Variants in FYB2 observed in about 807,000 individuals in gnomAD.
FYB2 encodes FYN binding protein 2.
Under a neutral mutation model 94.1 loss-of-function variants are expected in FYB2, and 103 were observed. The ratio of observed to expected loss-of-function variants is 1.09; its 90% CI spans 0.93 to 1.29. FYB2 has a LOEUF of 1.29. FYB2 is among the 50% of genes most tolerant of loss of function. The pLI, the probability that FYB2 is intolerant of heterozygous loss-of-function variation, is 0.00. For synonymous variants in FYB2, 293 were observed against 287.9 expected (o/e 1.02, Z -0.18); for missense variants, 896 against 841.5 (o/e 1.06, Z -0.80).
At position 56,819,341 on chromosome 1, in the gene FYB2, G is replaced by A; in HGVS notation, c.-51C>T. 1 of 1,612,852 alleles carries A rather than the reference G, an allele frequency of 6.2e-7. No individual in the cohort carries two copies. The highest frequency in any genetic ancestry group is 1.3e-5 in the African/African-American group (1 of 75,030). The stretch of plus-strand genomic sequence containing the variant: ...GAAACAAGCCCAGCCTCTCAGAGCT[G>A]GGTCCTGGGGCCAACAATCCGCTTT... On this transcript the variant is annotated 5_prime_UTR_variant, in exon 1 of 20. Transcript: ENST00000343433.
chr1:56,809,087 C>T (rs1557670577), intron 1 of FYB2, among the ~76,000 whole-genome samples: 1 of 152,162 alleles, frequency 6.6e-6, no homozygotes, highest in Non-Finnish European at 1.5e-5. Context: ...ACATTGGCCA[C>T]CATGTGAACA....
intron 15 of FYB2, among the ~76,000 whole-genome samples, chr1:56,731,491 AT>A (rs1375141295): frequency 6.6e-6 from 1 of 152,074 alleles, no homozygotes; most frequent in Non-Finnish European, 1.5e-5. Context: ...ACTGGGAACC[AT>A]TCTAATCTAT....
chr1:56,773,026 T>A (rs559985468), intron 4 of FYB2, among the ~76,000 whole-genome samples: 2 of 152,300 alleles, frequency 1.3e-5, no homozygotes, highest in East Asian at 3.9e-4. Context: ...TTAGTGATAT[T>A]TTCGACATTA....
At chr1:56,723,517 C>T (rs1644526957) in intron 17 of FYB2, 71 bp downstream of exon 17, 2 of 867,264 alleles carry the variant, frequency 2.3e-6, no homozygotes, top group Middle Eastern at 2.3e-4. Flanking sequence ...AGCATACTTA[C>T]AGATTTTTTT....
intron 8 of FYB2, among the ~76,000 whole-genome samples, chr1:56,752,049 G>C (rs1645212026): frequency 6.6e-6 from 1 of 152,000 alleles, no homozygotes; most frequent in Admixed American, 6.6e-5. Flanking sequence ...CAAAAAAAAG[G>C]CACAGGGGAT....
intron 15 of FYB2, among the ~76,000 whole-genome samples, chr1:56,735,351 G>A (rs1644807054): frequency 6.6e-6 from 1 of 152,038 alleles, no homozygotes; most frequent in African/African-American, 2.4e-5. Context: ...AGTGAAATAA[G>A]CCAGGAATAG....
intron 6 of FYB2, among the ~76,000 whole-genome samples, chr1:56,758,230 G>A (rs1167361644): frequency 6.6e-6 from 1 of 151,864 alleles, no homozygotes; most frequent in Non-Finnish European, 1.5e-5. Flanking sequence ...TCCCCATTTT[G>A]CAGGTGAGGA....
intron 4 of FYB2, among the ~76,000 whole-genome samples, chr1:56,783,270 G>C (rs1007643571): frequency 6.6e-6 from 1 of 152,126 alleles, no homozygotes; most frequent in African/African-American, 2.4e-5. Flanking sequence ...GAAGATCTGA[G>C]CTGTTAAATG....
intron 1 of FYB2, among the ~76,000 whole-genome samples, chr1:56,818,585 G>T (rs183426499): frequency 4.3e-4 from 65 of 152,124 alleles, no homozygotes; most frequent in African/African-American, 1.5e-3. Flanking sequence ...AGGAAGATGT[G>T]GTCAGTCAGG....
intron 4 of FYB2, among the ~76,000 whole-genome samples, chr1:56,771,903 A>G (rs1244206433): frequency 6.6e-6 from 1 of 151,886 alleles, no homozygotes. Flanking sequence ...ACTATTTTGC[A>G]TATTTTCTAG....
rs200083622 is a variant in FYB2 at position 56,723,693 on chromosome 1, T to A, written c.1881-12A>T. On this transcript the variant is annotated splice_polypyrimidine_tract_variant and intron_variant, in intron 16 of 19. Transcript: ENST00000343433. ...TTCTAGGAGAGAAACTAGCAAGAAA[T>A]GTGCAGGTAGGGTAAAACGTACTAT... The A allele has an allele frequency of 2.0e-6, 3 of 1,468,918 alleles. No individual in the cohort carries two copies. Among genetic ancestry groups the A allele is most frequent in the Middle Eastern group, 1.9e-4 (1 of 5,268 alleles). 91.0% of individuals were successfully genotyped at this position (1,468,918 alleles called of 1,614,324 possible). A position where few individuals can be genotyped will look rare whatever the true frequency, so the allele number is the denominator to read the frequency against.
At position 56,751,074 on chromosome 1, in the gene FYB2, G is replaced by A. The variant is rs75052518; in HGVS notation, c.1357C>T (p.Pro453Ser). ...CCTTGGGAGTGCCTGGCCAGCTTTGGGCCCTCAGGGCAGGGATTTGTCTGG... is the reference window on the plus strand; with the variant it reads ...CCTTGGGAGTGCCTGGCCAGCTTTGAGCCCTCAGGGCAGGGATTTGTCTGG... ...IIQTNPCPEG[P>S]KLARHSQGHC... Residue 453 changes from proline (P) to serine (S), a missense_variant, in exon 9 of 20, where the codon CCA becomes TCA. Pro to Ser is a moderately conservative substitution (Grantham distance 74). Coordinates refer to ENST00000343433, the MANE Select transcript of FYB2 (RefSeq NM_001004303.5). 2.7e-3 allele frequency: 4,289 copies of A among 1,612,672 alleles called. 86 individuals are homozygous for A. In the African/African-American group the frequency reaches 0.049, roughly 19 times the overall value.
At chr1:56,807,330 G>C (rs1232576220) in intron 1 of FYB2, among the ~76,000 whole-genome samples, 1 of 152,124 alleles carries the variant, frequency 6.6e-6, no homozygotes, top group Admixed American at 6.6e-5. Flanking sequence ...TAATTTCTTA[G>C]ATTTGTTTTC....
the FYB2 span, chr1:56,825,099 G>A: frequency 6.6e-6 from 1 of 152,230 alleles, no homozygotes; most frequent in Non-Finnish European, 1.5e-5. Context: ...TGAGCATGGA[G>A]GTCAGTGTAT....
intron 1 of FYB2, among the ~76,000 whole-genome samples, chr1:56,802,657 G>A (rs1646548964): frequency 6.6e-6 from 1 of 152,182 alleles, no homozygotes. Context: ...GCCTTCAAAG[G>A]TTTAGGGACT....
intron 9 of FYB2, among the ~76,000 whole-genome samples, chr1:56,746,723 A>G (rs1557603434): frequency 6.6e-6 from 1 of 151,918 alleles, no homozygotes; most frequent in Admixed American, 6.6e-5. Flanking sequence ...ACAGTTTCCA[A>G]TTTGGGGCTA....
chr1:56,725,283 G>T lies in FYB2; in HGVS notation c.1880+1214C>A, dbSNP rs190676780. On this transcript the variant is annotated intron_variant, in intron 16 of 19. Transcript: ENST00000343433. ...TTGCCATCATCTTTGATTGATAAAA[G>T]AATAATAAAAGGGTTGAACTAATAC... Among the ~76,000 whole-genome samples, 4 of 152,048 alleles carry T rather than the reference G, an allele frequency of 2.6e-5. No homozygotes were observed. In the East Asian group the frequency reaches 7.7e-4, roughly 29 times the overall value.
intron 1 of FYB2, among the ~76,000 whole-genome samples, chr1:56,802,684 A>G (rs919711867): frequency 6.6e-6 from 1 of 152,224 alleles, no homozygotes; most frequent in Non-Finnish European, 1.5e-5. Context: ...CCTTCTTTCA[A>G]TGAAGTAATG....
At chr1:56,738,727 AAT>A in intron 13 of FYB2, 74 bp from the exon 14 acceptor site, 2 of 1,479,608 alleles carry the variant, frequency 1.4e-6, no homozygotes, top group Non-Finnish European at 1.9e-6. Flanking sequence ...ACAGATCTCC[AAT>A]AACATATTGA....
Sources: allele counts gnomAD v4.1 joint callset (sites outside exome capture counted in the v4.1 genomes callset), GRCh38; gene constraint gnomAD v4.1.1; transcripts MANE v1.5; gene names NCBI Gene and HGNC (gene_info 2026-07-23, HGNC 2026-07-21).